CADPS2: variants seen among roughly 807,000 people sequenced by gnomAD.
CADPS2 encodes the protein calcium-dependent secretion activator 2.
In CADPS2, 93 loss-of-function variants were observed where a neutral mutation model predicts 172.5. The observed-to-expected ratio is 0.54, with a 90% CI of 0.46 to 0.64. CADPS2 has a LOEUF of 0.64. Ranked by LOEUF, CADPS2 falls within the 30% of genes least tolerant of loss-of-function variation. CADPS2 has a pLI of 0.00. For synonymous variants in CADPS2, 546 were observed against 555.2 expected (o/e 0.98, Z 0.23); for missense variants, 1,420 against 1,565.9 (o/e 0.91, Z 1.57).
intron 9 of CADPS2, among the ~76,000 whole-genome samples, chr7:122,494,330 A>G (rs954634503): frequency 6.6e-6 from 1 of 152,194 alleles, no homozygotes; most frequent in Non-Finnish European, 1.5e-5. Context: ...AGAAGTACTC[A>G]AAGATGTATA....
chr7:122,388,783 T>A, intron 22 of CADPS2, 45 bp from the exon 23 acceptor site: 1 of 1,540,928 alleles, frequency 6.5e-7, no homozygotes, highest in Non-Finnish European at 8.8e-7. Flanking sequence ...CCCCGTTAAT[T>A]AGGTATACCA....
Position 122,320,104 on chromosome 7 carries a change from T to A in CADPS2, c.*61A>T. 1 of 1,381,890 alleles carries A rather than the reference T, an allele frequency of 7.2e-7. No homozygotes were observed. The highest frequency in any genetic ancestry group is 9.5e-7 in the Non-Finnish European group (1 of 1,052,738). The allele number at this position is 1,381,890 out of a possible 1,614,324, so 85.6% of individuals were successfully genotyped here. A position where few individuals can be genotyped will look rare whatever the true frequency, so the allele number is the denominator to read the frequency against. On this transcript the variant is annotated 3_prime_UTR_variant, in exon 30 of 30. Coordinates refer to ENST00000449022, the MANE Select transcript of CADPS2 (RefSeq NM_017954.11). ...AATGAATGTAATTACAAGGACAAGG[T>A]TAAAAAAATAAAAAACAATGTCGAT...
chr7:122,866,670 C>T (rs1200010370), intron 1 of CADPS2, among the ~76,000 whole-genome samples: 1 of 152,186 alleles, frequency 6.6e-6, no homozygotes, highest in Non-Finnish European at 1.5e-5. Flanking sequence ...CACTGCACTA[C>T]AGCCTGGGCA....
chr7:122,820,623 G>A (rs1301449683), intron 1 of CADPS2, among the ~76,000 whole-genome samples: 5 of 121,394 alleles, frequency 4.1e-5, no homozygotes, highest in East Asian at 2.3e-4. Context: ...GCAGTGGCGC[G>A]ATCTCGGCTC....
chr7:122,491,998 C>T (rs994438602), intron 9 of CADPS2, among the ~76,000 whole-genome samples: 1 of 152,006 alleles, frequency 6.6e-6, no homozygotes, highest in African/African-American at 2.4e-5. Context: ...CGGTGAAACC[C>T]CATCTCTATT....
chr7:122,372,387 C>G (rs905118742), intron 25 of CADPS2, among the ~76,000 whole-genome samples: 1 of 152,068 alleles, frequency 6.6e-6, no homozygotes, highest in African/African-American at 2.4e-5. Flanking sequence ...GAGAGAAGGG[C>G]ACAGAGAGGG....
intron 25 of CADPS2, among the ~76,000 whole-genome samples, chr7:122,371,527 C>G (rs1451540548): frequency 1.3e-5 from 2 of 151,448 alleles, no homozygotes; most frequent in Non-Finnish European, 2.9e-5. Context: ...AGCCAATTAC[C>G]TCCACCTGCT....
At chr7:122,664,860 C>G (rs1481672703) in intron 2 of CADPS2, among the ~76,000 whole-genome samples, 1 of 152,104 alleles carries the variant, frequency 6.6e-6, no homozygotes, top group Admixed American at 6.5e-5. Flanking sequence ...TCACAGCTCA[C>G]TGCAGCCTTG....
rs2065624353 is a variant in CADPS2 at position 122,560,541 on chromosome 7, CAG to C, written c.1336-5854_1336-5853del. On this transcript the variant is annotated intron_variant, in intron 7 of 29. Transcript: ENST00000449022. ...AACTAAGTGATGAACTAGCCTCAAA[CAG>C]AGGAAGAAGGAACTAAAAACACAAT... Among the ~76,000 whole-genome samples the C allele has an allele frequency of 3.3e-5, 5 of 152,084 alleles. No individual in the cohort carries two copies. The South Asian group carries it at 1.0e-3, about 32-fold the overall frequency.
chr7:122,601,213 A>C (rs186599346), intron 6 of CADPS2, among the ~76,000 whole-genome samples: 2 of 152,066 alleles, frequency 1.3e-5, no homozygotes, highest in African/African-American at 4.8e-5. Flanking sequence ...CAAATATTAA[A>C]ATTTTTGAAG....
chr7:122,654,396 C>G (rs1012800213), intron 3 of CADPS2, among the ~76,000 whole-genome samples: 1 of 152,192 alleles, frequency 6.6e-6, no homozygotes, highest in Non-Finnish European at 1.5e-5. Flanking sequence ...TTCAAAGCTG[C>G]AAAGGACAGG....
intron 2 of CADPS2, among the ~76,000 whole-genome samples, chr7:122,712,835 G>A (rs1376359670): frequency 6.6e-6 from 1 of 152,068 alleles, no homozygotes; most frequent in Admixed American, 6.6e-5. Context: ...TGTGGAAAGA[G>A]TAAGGGGGTC....
intron 6 of CADPS2, among the ~76,000 whole-genome samples, chr7:122,591,409 G>A (rs574641697): frequency 6.4e-4 from 97 of 152,164 alleles, no homozygotes; most frequent in African/African-American, 2.2e-3. Context: ...TGGCCATAAT[G>A]CCCAAGGTAA....
intron 29 of CADPS2, among the ~76,000 whole-genome samples, chr7:122,323,538 A>C (rs900035432): frequency 6.6e-6 from 1 of 152,010 alleles, no homozygotes; most frequent in Non-Finnish European, 1.5e-5. Context: ...GTATATAAAA[A>C]TTTTTACTTT....
intron 1 of CADPS2, among the ~76,000 whole-genome samples, chr7:122,762,020 A>ATC (rs2093401220): frequency 1.2e-5 from 1 of 83,454 alleles, no homozygotes; most frequent in Admixed American, 1.4e-4. Context: ...AAAAATATAT[A>ATC]TATATATATA....
At position 122,885,998 on chromosome 7, in the gene CADPS2, C is replaced by T; in HGVS notation, c.339+1G>A. On this transcript the variant is annotated splice_donor_variant, in intron 1 of 29. Transcript: ENST00000449022. LOFTEE classifies it high-confidence loss of function. ...AGGAGGCGCCCGGTCCCGCAACTCA[C>T]CTTCTGCTGCCTCCGGGCCATGTCG... The T allele has an allele frequency of 6.2e-7, 1 of 1,603,338 alleles. No homozygotes were observed. The highest frequency in any genetic ancestry group is 8.5e-7 in the Non-Finnish European group (1 of 1,175,418).
chr7:122,597,072 A>G (rs1486703295), intron 6 of CADPS2, among the ~76,000 whole-genome samples: 1 of 152,022 alleles, frequency 6.6e-6, no homozygotes, highest in Admixed American at 6.6e-5. Flanking sequence ...AGCAAATAAA[A>G]GAGCAAGAAC....
chr7:122,713,825 T>C (rs2089172994), intron 2 of CADPS2, among the ~76,000 whole-genome samples: 1 of 152,086 alleles, frequency 6.6e-6, no homozygotes, highest in South Asian at 2.1e-4. Context: ...ATTATACATT[T>C]TATAGTTATA....
At chr7:122,345,483 A>T in intron 28 of CADPS2, 91 bp downstream of exon 28, 1 of 752,796 alleles carries the variant, frequency 1.3e-6, no homozygotes, top group Non-Finnish European at 2.2e-6. Flanking sequence ...CAAAAAGGAG[A>T]CTATGCTTTG....
Sources: gnomAD v4.1 joint callset for allele counts (sites outside exome capture counted in the v4.1 genomes callset) on GRCh38, gnomAD v4.1.1 for gene constraint, MANE v1.5 for transcripts, NCBI Gene and HGNC (gene_info 2026-07-23, HGNC 2026-07-21) for gene names.